The following LCN1 variants were observed in gnomAD, a reference collection of about 807,000 sequenced individuals.
The protein encoded by LCN1 is lipocalin 1.
A neutral mutation model predicts 22.3 loss-of-function variants in LCN1; 25 were observed. That is an observed-to-expected ratio of 1.12 (90% confidence interval 0.82 to 1.56). The LOEUF is 1.56. Ranked by LOEUF, LCN1 falls within the 40% of genes most tolerant of loss-of-function variation. The probability of loss-of-function intolerance (pLI) is 0.00; values close to 1 mark genes in which losing one functional copy is unlikely to be tolerated. For synonymous variants in LCN1, 85 were observed against 97.6 expected (o/e 0.87, Z 0.76); for missense variants, 219 against 235.6 (o/e 0.93, Z 0.46).
intron 5 of LCN1, 23 bp downstream of exon 5, chr9:135,524,954 G>GC: frequency 1.9e-6 from 3 of 1,596,434 alleles, no homozygotes; most frequent in Non-Finnish European, 1.7e-6. Flanking sequence ...GCCCTGCAGA[G>GC]CCCCCCATGT....
chr9:135,524,691 C>A, intron 4 of LCN1, 139 bp from the exon 5 acceptor site: 1 of 660,712 alleles, frequency 1.5e-6, no homozygotes, highest in South Asian at 2.0e-5. Context: ...ACTTTGCCAG[C>A]CTGAGGGCCT....
chr9:135,523,774 G>A (rs745450611), intron 3 of LCN1, 106 bp from the exon 4 acceptor site: 6 of 899,532 alleles, frequency 6.7e-6, no homozygotes, highest in Non-Finnish European at 1.1e-5. Context: ...GGCTGGGAGG[G>A]TGCAGGAGCT....
At chr9:135,526,023 A>C in intron 6 of LCN1, among the ~76,000 whole-genome samples, 2 of 46,738 alleles carry the variant, frequency 4.3e-5, no homozygotes, top group Admixed American at 3.0e-4. Flanking sequence ...ATAGCCCCCG[A>C]GAGCCCACAT....
chr9:135,524,728 C>A, intron 4 of LCN1, 102 bp from the exon 5 acceptor site: 2 of 870,092 alleles, frequency 2.3e-6, no homozygotes, highest in Non-Finnish European at 3.5e-6. Flanking sequence ...CCACGGTGGG[C>A]GAGGTCCCCT....
At chr9:135,522,211 A>G (rs113844284) in intron 2 of LCN1, 34 bp downstream of exon 2, 25,854 of 1,595,228 alleles carry the variant, frequency 0.016, 538 homozygotes, top group African/African-American at 0.11. Flanking sequence ...GCAGCCTGCA[A>G]CCTGGTCTAG....
intron 2 of LCN1, 150 bp downstream of exon 2, chr9:135,522,327 C>A: frequency 7.8e-7 from 1 of 1,275,708 alleles, no homozygotes; most frequent in Non-Finnish European, 1.1e-6. Flanking sequence ...GCAAACTGTG[C>A]CACTGAGGTG....
chr9:135,523,174 C>G (rs774239437), intron 2 of LCN1, 58 bp from the exon 3 acceptor site: 1 of 1,526,334 alleles, frequency 6.6e-7, no homozygotes, highest in Non-Finnish European at 9.0e-7. Flanking sequence ...CATGGTTGCT[C>G]CAGGGCCGGG....
At chr9:135,522,927 C>T (rs1198705616) in intron 2 of LCN1, among the ~76,000 whole-genome samples, 3 of 150,982 alleles carry the variant, frequency 2.0e-5, no homozygotes, top group East Asian at 2.0e-4. Flanking sequence ...ACGCCACAGA[C>T]GCTGCCTGCA....
At chr9:135,521,899 G>T in intron 1 of LCN1, 148 bp from the exon 2 acceptor site, 1 of 1,321,056 alleles carries the variant, frequency 7.6e-7, no homozygotes. Flanking sequence ...CCTGGCGAGG[G>T]TGCTGGGTGT....
intron 1 of LCN1, 80 bp from the exon 2 acceptor site, chr9:135,521,965 TAG>T: frequency 4.5e-6 from 7 of 1,542,968 alleles, no homozygotes; most frequent in Non-Finnish European, 6.1e-6. Flanking sequence ...CGGGGTGCGG[TAG>T]AGTCTAGGGG....
In LCN1 at chr9:135,523,232, G is replaced by A; in HGVS notation, c.222G>A (p.Leu74=). The change falls in exon 3 of 7, where the codon CTG becomes CTA. Residue 74 remains leucine, a splice_region_variant and synonymous_variant. Transcript: ENST00000371781. ...TTGCCAGGGGGCTTCTGTTTTCCAG[G>A]ATAAGTGGCCGGTGCCAGGAGGTGA... The part of the protein sequence containing the change: ...GGNLEAKVTM[L]ISGRCQEVKA... 1 of 1,611,816 alleles carries A rather than the reference G, an allele frequency of 6.2e-7. No individual in the cohort carries two copies. Among genetic ancestry groups the A allele is most frequent in the Non-Finnish European group, 8.5e-7 (1 of 1,179,670 alleles).
intron 6 of LCN1, among the ~76,000 whole-genome samples, chr9:135,525,674 T>C (rs1269713687): frequency 6.6e-6 from 1 of 151,964 alleles, no homozygotes; most frequent in Non-Finnish European, 1.5e-5. Flanking sequence ...ACAGCATCGC[T>C]GTCCTTCCCG....
chr9:135,523,353 T>TG (rs747593153), intron 3 of LCN1, 51 bp downstream of exon 3: 10 of 1,554,098 alleles, frequency 6.4e-6, no homozygotes, highest in East Asian at 2.3e-5. Context: ...ACGCTGGATG[T>TG]GCGGGGGCAG....
chr9:135,523,791 C>A, intron 3 of LCN1, 89 bp from the exon 4 acceptor site: 1 of 1,095,582 alleles, frequency 9.1e-7, no homozygotes, highest in Non-Finnish European at 1.4e-6. Flanking sequence ...AGCTGCGGGG[C>A]TTGCTGGGCC....
chr9:135,521,443 C>A lies in LCN1; in HGVS notation c.-55C>A. ...GCGGCTGTGGGAGGACTGGTACAGC[C>A]TCTCCCAGCCCCAGCAAGCGACCTG... On this transcript the variant is annotated 5_prime_UTR_variant, in exon 1 of 7. Coordinates refer to ENST00000371781, the MANE Select transcript of LCN1 (RefSeq NM_002297.4). 1 of 1,490,926 alleles carries A rather than the reference C, an allele frequency of 6.7e-7. No individual in the cohort carries two copies. Among genetic ancestry groups the A allele is most frequent in the Non-Finnish European group, 9.3e-7 (1 of 1,074,666 alleles). The allele number at this position is 1,490,926 out of a possible 1,614,324, so 92.4% of individuals were successfully genotyped here.
chr9:135,525,020 T>C (rs1831597062), intron 5 of LCN1, 89 bp downstream of exon 5: 1 of 1,555,884 alleles, frequency 6.4e-7, no homozygotes, highest in Non-Finnish European at 8.8e-7. Context: ...CTGTGCTGCG[T>C]CTAATTCTGG....
At position 135,522,176 on chromosome 9, in the gene LCN1, C is replaced by T. The variant is rs771477955; in HGVS notation, c.220C>T (p.Leu74=). 71 of 1,604,802 alleles carry T rather than the reference C, an allele frequency of 4.4e-5. No individual in the cohort carries two copies. The highest frequency in any genetic ancestry group is 5.9e-5 in the Non-Finnish European group (69 of 1,175,858). ...CAACCTGGAAGCCAAGGTCACCATGCTGTGAGTGTCTGCCAGCCGGCCGGG... is the reference window on the plus strand; with the variant it reads ...CAACCTGGAAGCCAAGGTCACCATGTTGTGAGTGTCTGCCAGCCGGCCGGG... ...GGNLEAKVTM[L]ISGRCQEVKA... Residue 74 remains leucine (L), a splice_region_variant and synonymous_variant, in exon 2 of 7, where the codon CTG becomes TTG. Coordinates refer to ENST00000371781, the MANE Select transcript of LCN1 (RefSeq NM_002297.4).
At chr9:135,525,241 C>A in intron 6 of LCN1, 83 bp downstream of exon 6, 2 of 1,346,484 alleles carry the variant, frequency 1.5e-6, no homozygotes, top group South Asian at 1.3e-5. Context: ...GGGTCTCTCC[C>A]ACCCATCCCA....
intron 2 of LCN1, 119 bp from the exon 3 acceptor site, chr9:135,523,113 T>A: frequency 1.1e-6 from 1 of 883,208 alleles, no homozygotes; most frequent in Non-Finnish European, 1.7e-6. Flanking sequence ...AGAAGCACCC[T>A]CCTCCATGGG....
Sources: gnomAD v4.1 joint callset for allele counts (sites outside exome capture counted in the v4.1 genomes callset) on GRCh38, gnomAD v4.1.1 for gene constraint, MANE v1.5 for transcripts, NCBI Gene and HGNC (gene_info 2026-07-23, HGNC 2026-07-21) for gene names.